The following ANKAR variants were observed in gnomAD, a reference collection of about 807,000 sequenced individuals.
The protein encoded by ANKAR is ankyrin and armadillo repeat containing.
ANKAR carries 136 observed loss-of-function variants against 146.2 expected under a neutral mutation model. The ratio of observed to expected loss-of-function variants is 0.93; its 90% CI spans 0.81 to 1.07. ANKAR has a LOEUF of 1.07. Among genes scored for constraint, ANKAR ranks in the 50% least tolerant of loss-of-function variants. ANKAR has a pLI of 0.00. For synonymous variants in ANKAR, 500 were observed against 575.8 expected (o/e 0.87, Z 1.88); for missense variants, 1,567 against 1,679.9 (o/e 0.93, Z 1.18).
At chr2:189,736,762 A>G (rs994888511) in intron 17 of ANKAR, among the ~76,000 whole-genome samples, 2 of 152,004 alleles carry the variant, frequency 1.3e-5, no homozygotes, top group Admixed American at 1.3e-4. Flanking sequence ...TTTTAATATT[A>G]TGATTAACAG....
rs7560734 is a variant in ANKAR, at chr2:189,740,130, T to G, written c.3701-1212T>G. On this transcript the variant is annotated intron_variant, in intron 19 of 22. Coordinates refer to ENST00000684021, the MANE Select transcript of ANKAR (RefSeq NM_001378068.1). ...CACAGAAGTTTTTAGGAAACTGATT[T>G]CTGTTACCAAGAATTCAGTTTTCCT... 3.4e-3 allele frequency among the ~76,000 whole-genome samples: 518 copies of G among 152,324 alleles called. 3 individuals are homozygous for G. Among genetic ancestry groups the G allele is most frequent in the African/African-American group, 0.012 (495 of 41,568 alleles).
downstream of ANKAR, chr2:189,747,421 T>G (rs140386984): frequency 6.6e-6 from 1 of 151,904 alleles, no homozygotes; most frequent in African/African-American, 2.4e-5. Flanking sequence ...AACAAAAATT[T>G]TTTAAAAGGG....
intron 20 of ANKAR, among the ~76,000 whole-genome samples, chr2:189,742,028 A>C (rs1341191189): frequency 6.6e-6 from 1 of 152,172 alleles, no homozygotes; most frequent in Non-Finnish European, 1.5e-5. Flanking sequence ...GCAGGGTTAG[A>C]TGTAAGGGTG....
intron 10 of ANKAR, among the ~76,000 whole-genome samples, chr2:189,719,367 A>G (rs1445433567): frequency 6.6e-6 from 1 of 152,216 alleles, no homozygotes; most frequent in Admixed American, 6.5e-5. Flanking sequence ...TGTATGAACA[A>G]TGAGAGCTGC....
intron 10 of ANKAR, 24 bp downstream of exon 10, chr2:189,711,177 T>C (rs1361672909): frequency 1.3e-6 from 2 of 1,535,178 alleles, no homozygotes; most frequent in South Asian, 2.3e-5. Context: ...TATTAATAAC[T>C]TTTTATGCTA....
intron 7 of ANKAR, among the ~76,000 whole-genome samples, chr2:189,700,285 G>A (rs763420006): frequency 2.6e-5 from 4 of 152,004 alleles, no homozygotes; most frequent in South Asian, 2.1e-4. Flanking sequence ...ATTTTCCTCC[G>A]CACACTTCCT....
At position 189,743,255 on chromosome 2, in the gene ANKAR, A is replaced by T; in HGVS notation, c.3811-20A>T. On this transcript the variant is annotated intron_variant, in intron 20 of 22. Coordinates refer to ENST00000684021, the MANE Select transcript of ANKAR (RefSeq NM_001378068.1). The stretch of plus-strand genomic sequence containing the variant: ...AAGAACAAAGCCCACTGGTTAAGAA[A>T]GAATTGTTTCTTCATTTAGGTTCGT... 1 of 1,606,996 alleles carries T rather than the reference A, an allele frequency of 6.2e-7. No individual in the cohort carries two copies. The highest frequency in any genetic ancestry group is 8.5e-7 in the Non-Finnish European group (1 of 1,175,486).
intron 20 of ANKAR, among the ~76,000 whole-genome samples, chr2:189,742,472 T>C (rs1360413542): frequency 6.6e-6 from 1 of 152,194 alleles, no homozygotes; most frequent in Non-Finnish European, 1.5e-5. Flanking sequence ...TCTAGAGTCC[T>C]GTGGCCTGAC....
chr2:189,713,060 G>T (rs1010405666), intron 10 of ANKAR, among the ~76,000 whole-genome samples: 4 of 152,196 alleles, frequency 2.6e-5, no homozygotes, highest in African/African-American at 9.6e-5. Context: ...AAAGCGAGAA[G>T]TTTAGAGAAA....
At chr2:189,696,806 G>T (rs528488396) in intron 7 of ANKAR, among the ~76,000 whole-genome samples, 1 of 152,282 alleles carries the variant, frequency 6.6e-6, no homozygotes, top group African/African-American at 2.4e-5. Context: ...AGATATGACT[G>T]TCAGGTCCCA....
At chr2:189,761,605 A>C, downstream of ANKAR, 1 of 1,603,020 alleles carries the variant, frequency 6.2e-7, no homozygotes, top group South Asian at 1.1e-5. Context: ...TTGATGGTTT[A>C]AAAAAAACTC....
chr2:189,759,501 C>T (rs751652673), intron 18 of ANKAR, among the ~76,000 whole-genome samples: 5 of 152,280 alleles, frequency 3.3e-5, no homozygotes, highest in South Asian at 2.1e-4. Flanking sequence ...CCACTTGCCT[C>T]GGCCTCCCAA....
intron 15 of ANKAR, among the ~76,000 whole-genome samples, chr2:189,729,820 A>T (rs930811591): frequency 1.2e-4 from 18 of 151,902 alleles, no homozygotes; most frequent in African/African-American, 4.3e-4. Context: ...TGAGAGGCTC[A>T]ATCTTATATT....
rs753202297 is a variant in ANKAR, at chr2:189,752,994, A to T, written c.*585-8104A>T. The T allele has an allele frequency of 1.2e-5, 19 of 1,595,792 alleles. No homozygotes were observed. The South Asian group carries it at 2.1e-4, about 17-fold the overall frequency. ...CCAGATGCAACCTGAAGGAATTGAGAAAACCAAAATAACTATCATATATGG... is the reference window on the plus strand; with the variant it reads ...CCAGATGCAACCTGAAGGAATTGAGTAAACCAAAATAACTATCATATATGG... On this transcript the variant is annotated intron_variant and NMD_transcript_variant, in intron 18 of 18. Coordinates refer to the ANKAR transcript ENST00000441800.
At chr2:189,759,529 C>G (rs1019644888) in intron 18 of ANKAR, among the ~76,000 whole-genome samples, 1 of 152,160 alleles carries the variant, frequency 6.6e-6, no homozygotes, top group Non-Finnish European at 1.5e-5. Context: ...CGATTACAGG[C>G]GTGAGCCACA....
intron 12 of ANKAR, among the ~76,000 whole-genome samples, chr2:189,726,057 G>A (rs2041846969): frequency 6.6e-6 from 1 of 152,220 alleles, no homozygotes; most frequent in African/African-American, 2.4e-5. Context: ...ATTGACAAAT[G>A]TGAAGGGGTG....
chr2:189,704,304 G>C (rs1016783172), intron 7 of ANKAR, among the ~76,000 whole-genome samples: 3 of 150,906 alleles, frequency 2.0e-5, no homozygotes, highest in African/African-American at 4.9e-5. Context: ...ACCATGACCA[G>C]TTAAATTTTT....
intron 7 of ANKAR, among the ~76,000 whole-genome samples, chr2:189,702,454 G>T (rs1040854268): frequency 2.6e-5 from 4 of 152,172 alleles, no homozygotes; most frequent in African/African-American, 9.7e-5. Flanking sequence ...CTCCAGTAAT[G>T]ATTCCTTAGG....
chr2:189,714,591 C>T (rs1299097397), intron 10 of ANKAR, among the ~76,000 whole-genome samples: 3 of 152,210 alleles, frequency 2.0e-5, no homozygotes, highest in Non-Finnish European at 4.4e-5. Flanking sequence ...GTACCAGAAT[C>T]TCTGGGACAC....
Sources: allele counts gnomAD v4.1 joint callset (sites outside exome capture counted in the v4.1 genomes callset), GRCh38; gene constraint gnomAD v4.1.1; transcripts MANE v1.5; gene names NCBI Gene and HGNC (gene_info 2026-07-23, HGNC 2026-07-21).